CACUL1: variants seen among roughly 807,000 people sequenced by gnomAD.
CACUL1 encodes CDK2 associated cullin domain 1, also known as CDK2-associated and cullin domain-containing protein 1.
In CACUL1, 13 loss-of-function variants were observed where a neutral mutation model predicts 45.2. That is an observed-to-expected ratio of 0.29 (90% confidence interval 0.19 to 0.46). The LOEUF (loss-of-function observed/expected upper bound fraction) is 0.46, where lower values mean the gene tolerates loss of function less well. Ranked by LOEUF, CACUL1 falls within the 20% of genes least tolerant of loss-of-function variation. The pLI is 1.00. For synonymous variants in CACUL1, 197 were observed against 174.2 expected, an observed-to-expected ratio of 1.13 and a Z score of -1.03; for missense variants, 421 against 471.4, an observed-to-expected ratio of 0.89 and a Z score of 0.99.
rs1193774650 is a variant in CACUL1, at chr10:118,703,121, T to TA, written c.694-1714dup. The stretch of plus-strand genomic sequence containing the variant: ...AATTCTTAACACACGTTTCTCTCTT[T>TA]AAAAAAATATATAAAAATAAGATGC... On this transcript the variant is annotated intron_variant, in intron 4 of 8. Coordinates refer to ENST00000369151, the MANE Select transcript of CACUL1 (RefSeq NM_153810.5). Among the ~76,000 whole-genome samples, 5 of 152,018 alleles carry TA rather than the reference T, an allele frequency of 3.3e-5. No individual in the cohort carries two copies. In the South Asian group the frequency reaches 8.3e-4, roughly 25 times the overall value.
chr10:118,702,081 A>G (rs936284833), intron 4 of CACUL1, among the ~76,000 whole-genome samples: 7 of 152,154 alleles, frequency 4.6e-5, no homozygotes, highest in African/African-American at 1.7e-4. Context: ...AACTGAGGAC[A>G]TTATCTTGTG....
intron 7 of CACUL1, among the ~76,000 whole-genome samples, chr10:118,690,844 G>A (rs1845258318): frequency 6.6e-6 from 1 of 152,172 alleles, no homozygotes; most frequent in Non-Finnish European, 1.5e-5. Flanking sequence ...TCAGGAGTTT[G>A]AAACCAGCCT....
chr10:118,729,189 T>C (rs939533984), intron 3 of CACUL1, 106 bp downstream of exon 3: 4 of 702,118 alleles, frequency 5.7e-6, no homozygotes, highest in Non-Finnish European at 9.9e-6. Flanking sequence ...TTTATAAATT[T>C]ATATCATAAT....
At chr10:118,702,082 T>C (rs1374952089) in intron 4 of CACUL1, among the ~76,000 whole-genome samples, 2 of 152,132 alleles carry the variant, frequency 1.3e-5, no homozygotes, top group Non-Finnish European at 2.9e-5. Context: ...ACTGAGGACA[T>C]TATCTTGTGA....
chr10:118,682,197 A>G lies in CACUL1; in HGVS notation c.*3931T>C, dbSNP rs1845159611. ...AGAGGCACCATAAAAAATCAACTCA[A>G]AACATCCAAACAATGGCTAGATGAC... On this transcript the variant is annotated 3_prime_UTR_variant, in exon 9 of 9. Coordinates refer to ENST00000369151, the MANE Select transcript of CACUL1 (RefSeq NM_153810.5). 1 of 152,206 alleles carries G rather than the reference A, an allele frequency of 6.6e-6. No individual in the cohort carries two copies. Among genetic ancestry groups the G allele is most frequent in the South Asian group, 2.1e-4 (1 of 4,830 alleles). The allele number at this position is 152,206 out of a possible 1,614,324, so 9.4% of individuals were successfully genotyped here.
At chr10:118,706,543 C>T (rs1453434616) in intron 4 of CACUL1, among the ~76,000 whole-genome samples, 2 of 152,212 alleles carry the variant, frequency 1.3e-5, no homozygotes, top group African/African-American at 4.8e-5. Context: ...CCTAGATGCA[C>T]TTATTCCTAA....
chr10:118,718,016 A>T (rs1589611011), intron 3 of CACUL1, among the ~76,000 whole-genome samples: 2 of 152,178 alleles, frequency 1.3e-5, no homozygotes, highest in Non-Finnish European at 2.9e-5. Flanking sequence ...GTGCCCTAGA[A>T]CCTACCCAGA....
At chr10:118,715,878 T>C (rs1163701720) in intron 3 of CACUL1, among the ~76,000 whole-genome samples, 1 of 152,218 alleles carries the variant, frequency 6.6e-6, no homozygotes, top group Non-Finnish European at 1.5e-5. Context: ...ACAAAACATG[T>C]ATCTTTGTAA....
At chr10:118,751,389 A>T (rs1377185697) in intron 1 of CACUL1, among the ~76,000 whole-genome samples, 1 of 152,080 alleles carries the variant, frequency 6.6e-6, no homozygotes, top group Non-Finnish European at 1.5e-5. Flanking sequence ...TCTTTAATTC[A>T]TTTGGAGTCT....
Position 118,676,862 on chromosome 10 carries a change from A to G in CACUL1, c.*9266T>C, listed in dbSNP as rs1374087301. Reference sequence around the variant, plus strand: ...TGTACACACACACACACACACACACACACACACACACTGGGGTGTGCACAC... The same window carrying G: ...TGTACACACACACACACACACACACGCACACACACACTGGGGTGTGCACAC... On this transcript the variant is annotated 3_prime_UTR_variant, in exon 9 of 9. Coordinates refer to ENST00000369151, the MANE Select transcript of CACUL1 (RefSeq NM_153810.5). 2.0e-5 allele frequency: 3 copies of G among 150,408 alleles called. No individual in the cohort carries two copies. The highest frequency in any genetic ancestry group is 5.0e-5 in the African/African-American group (2 of 40,012). The allele number at this position is 150,408 out of a possible 1,614,324, so 9.3% of individuals were successfully genotyped here. A position where few individuals can be genotyped will look rare whatever the true frequency, so the allele number is the denominator to read the frequency against.
chr10:118,718,132 G>A (rs977668296), intron 3 of CACUL1, among the ~76,000 whole-genome samples: 41 of 152,142 alleles, frequency 2.7e-4, no homozygotes, highest in African/African-American at 9.7e-4. Flanking sequence ...AAGACAGGCA[G>A]GTGATCCTCC....
Position 118,681,265 on chromosome 10 carries a change from G to T in CACUL1, c.*4863C>A, listed in dbSNP as rs1845150383. The T allele has an allele frequency of 6.6e-6, 1 of 152,258 alleles. No homozygotes were observed. The highest frequency in any genetic ancestry group is 6.5e-5 in the Admixed American group (1 of 15,290). The allele number at this position is 152,258 out of a possible 1,614,324, so 9.4% of individuals were successfully genotyped here. ...CTTCATCCTTGCTCTGGCTGTGCTAGTGAGTGGCAAAAGCCTCTTGCTCGT... is the reference window on the plus strand; with the variant it reads ...CTTCATCCTTGCTCTGGCTGTGCTATTGAGTGGCAAAAGCCTCTTGCTCGT... On this transcript the variant is annotated 3_prime_UTR_variant, in exon 9 of 9. Coordinates refer to ENST00000369151, the MANE Select transcript of CACUL1 (RefSeq NM_153810.5).
Position 118,701,305 on chromosome 10 carries a change from C to G in CACUL1, c.796+1G>C. 6.7e-7 allele frequency: 1 copy of G among 1,499,048 alleles called. No individual in the cohort carries two copies. Among genetic ancestry groups the G allele is most frequent in the Non-Finnish European group, 9.1e-7 (1 of 1,095,188 alleles). The allele number at this position is 1,499,048 out of a possible 1,614,324, so 92.9% of individuals were successfully genotyped here. Reference sequence around the variant, plus strand: ...TCACCCGTATAAGCTGAATTACTTACGCATTAGGCTGTAAATGTGCTTTTC... The same window carrying G: ...TCACCCGTATAAGCTGAATTACTTAGGCATTAGGCTGTAAATGTGCTTTTC... On this transcript the variant is annotated splice_donor_variant, in intron 5 of 8. Coordinates refer to ENST00000369151, the MANE Select transcript of CACUL1 (RefSeq NM_153810.5). LOFTEE classifies it high-confidence loss of function.
intron 3 of CACUL1, among the ~76,000 whole-genome samples, chr10:118,728,864 A>T (rs1219448650): frequency 1.3e-5 from 2 of 152,190 alleles, no homozygotes; most frequent in Non-Finnish European, 2.9e-5. Context: ...GTTTATCAAT[A>T]AAGTGTTTAC....
At chr10:118,712,836 G>A (rs910203773) in intron 3 of CACUL1, among the ~76,000 whole-genome samples, 4 of 152,192 alleles carry the variant, frequency 2.6e-5, no homozygotes, top group South Asian at 2.1e-4. Flanking sequence ...GAGGAAGTAC[G>A]TGCCCACTGG....
chr10:118,727,029 A>C (rs1324810469), intron 3 of CACUL1, among the ~76,000 whole-genome samples: 2 of 152,180 alleles, frequency 1.3e-5, no homozygotes, highest in Non-Finnish European at 2.9e-5. Flanking sequence ...TCTAAGTGGG[A>C]CATGTATTGA....
In CACUL1 at chr10:118,684,428, T is replaced by C. The variant is rs982991431; in HGVS notation, c.*1700A>G. The C allele has an allele frequency of 2.0e-5, 3 of 152,242 alleles. No homozygotes were observed. The highest frequency in any genetic ancestry group is 4.4e-5 in the Non-Finnish European group (3 of 68,036). The allele number at this position is 152,242 out of a possible 1,614,324, so 9.4% of individuals were successfully genotyped here. On this transcript the variant is annotated 3_prime_UTR_variant, in exon 9 of 9. Coordinates refer to ENST00000369151, the MANE Select transcript of CACUL1 (RefSeq NM_153810.5). ...ATGTTACCAGTGTAGCAACTTAAAC[T>C]GTCCAGGTCATAGTGAGAGCCTGTC...
chr10:118,747,254 C>G (rs1270546899), intron 1 of CACUL1, among the ~76,000 whole-genome samples: 1 of 152,154 alleles, frequency 6.6e-6, no homozygotes, highest in Non-Finnish European at 1.5e-5. Context: ...CAGAGCCTAA[C>G]CAGTACAAGT....
At chr10:118,695,980 C>A (rs1172354415) in intron 5 of CACUL1, among the ~76,000 whole-genome samples, 1 of 152,178 alleles carries the variant, frequency 6.6e-6, no homozygotes, top group East Asian at 1.9e-4. Context: ...CAACAAAAAA[C>A]TTAGTAGGAT....
Sources: gnomAD v4.1 joint callset for allele counts (sites outside exome capture counted in the v4.1 genomes callset) on GRCh38, gnomAD v4.1.1 for gene constraint, MANE v1.5 for transcripts, NCBI Gene and HGNC (gene_info 2026-07-23, HGNC 2026-07-21) for gene names.